Variants in DTNB observed in about 807,000 individuals in gnomAD.
The protein encoded by DTNB is DTN-B.
A neutral mutation model predicts 90.7 loss-of-function variants in DTNB; 63 were observed. That is an observed-to-expected ratio of 0.69 (90% CI 0.57 to 0.86). The LOEUF is 0.86. Among genes scored for constraint, DTNB ranks in the 40% least tolerant of loss-of-function variants. The pLI, the probability that DTNB is intolerant of heterozygous loss-of-function variation, is 0.00. For synonymous variants in DTNB, 277 were observed against 286.7 expected (o/e 0.97, Z 0.34); for missense variants, 744 against 807.1 (o/e 0.92, Z 0.95).
Position 25,605,662 on chromosome 2 carries a change from T to G in DTNB, c.448+1574A>C, listed in dbSNP as rs2066949971. Among the ~76,000 whole-genome samples, 3 of 152,230 alleles carry G rather than the reference T, an allele frequency of 2.0e-5. No individual in the cohort carries two copies. In the South Asian group the frequency reaches 6.2e-4, roughly 32 times the overall value. ...ATCTAGAATACAGTTAATTTTCTGC[T>G]AATGTATTTTTCTACTACTGTATTT... On this transcript the variant is annotated intron_variant, in intron 5 of 20. Coordinates refer to ENST00000406818, the MANE Select transcript of DTNB (RefSeq NM_021907.5).
intron 1 of DTNB, among the ~76,000 whole-genome samples, chr2:25,663,690 C>T (rs2083743277): frequency 6.6e-6 from 1 of 152,148 alleles, no homozygotes; most frequent in Non-Finnish European, 1.5e-5. Context: ...ACCATAAGCT[C>T]TGTACTTTTA....
At chr2:25,553,735 CCTT>C (rs1353077791) in intron 8 of DTNB, among the ~76,000 whole-genome samples, 2 of 142,936 alleles carry the variant, frequency 1.4e-5, no homozygotes, top group African/African-American at 5.3e-5. Flanking sequence ...AGCGAAAACT[CCTT>C]CTCAAAAAAA....
chr2:25,640,528 T>C (rs1178989710), intron 2 of DTNB, among the ~76,000 whole-genome samples: 1 of 152,194 alleles, frequency 6.6e-6, no homozygotes, highest in Non-Finnish European at 1.5e-5. Context: ...CCTCAGGGGA[T>C]ACCTGGTTCT....
Position 25,389,386 on chromosome 2 carries a change from G to A in DTNB, c.1576-1025C>T, listed in dbSNP as rs145251461. On this transcript the variant is annotated intron_variant, in intron 16 of 20. Transcript: ENST00000406818. The stretch of plus-strand genomic sequence containing the variant: ...CAGTCATGCCACATGCACTGCACAT[G>A]TACAGCAAGGCTGTCCGGGGCCACC... Among the ~76,000 whole-genome samples the A allele has an allele frequency of 5.8e-3, 881 of 152,360 alleles. 9 individuals carry two copies. Among genetic ancestry groups the A allele is most frequent in the Middle Eastern group, 0.02 (6 of 294 alleles).
chr2:25,565,610 G>T, intron 8 of DTNB, among the ~76,000 whole-genome samples: 1 of 130,860 alleles, frequency 7.6e-6, no homozygotes, highest in Admixed American at 7.2e-5. Flanking sequence ...CCAGTTTATT[G>T]CATTTTTTTT....
chr2:25,616,573 G>C (rs997571083), intron 4 of DTNB, among the ~76,000 whole-genome samples: 1 of 143,856 alleles, frequency 7.0e-6, no homozygotes. Context: ...TCAATGGCTG[G>C]TCTCCGATGA....
At chr2:25,635,880 T>C (rs2077013722) in intron 3 of DTNB, among the ~76,000 whole-genome samples, 1 of 152,194 alleles carries the variant, frequency 6.6e-6, no homozygotes, top group Non-Finnish European at 1.5e-5. Flanking sequence ...TGGTTACTGC[T>C]ACAAGAAAGT....
At chr2:25,582,103 A>G (rs946391890) in intron 6 of DTNB, among the ~76,000 whole-genome samples, 21 of 151,972 alleles carry the variant, frequency 1.4e-4, no homozygotes, top group Non-Finnish European at 1.5e-4. Flanking sequence ...TCAAGGGGGG[A>G]AAAAAGGTAG....
Position 25,419,638 on chromosome 2 carries a change from A to G in DTNB, c.1555-103T>C. On this transcript the variant is annotated intron_variant, in intron 15 of 20. Transcript: ENST00000406818. ...AACATTGGTCAGAAATGATAGAAAA[A>G]TCAGGCAAACCAGGCCAGGCCCACA... is the stretch of plus-strand genomic sequence containing the variant. The G allele has an allele frequency of 2.0e-6, 3 of 1,465,974 alleles. No homozygotes were observed. The South Asian group carries it at 3.9e-5, about 19-fold the overall frequency. The allele number at this position is 1,465,974 out of a possible 1,614,324, so 90.8% of individuals were successfully genotyped here. A position where few individuals can be genotyped will look rare whatever the true frequency, so the allele number is the denominator to read the frequency against.
intron 1 of DTNB, among the ~76,000 whole-genome samples, chr2:25,669,839 G>A (rs1166218628): frequency 6.6e-6 from 1 of 151,702 alleles, no homozygotes; most frequent in Non-Finnish European, 1.5e-5. Flanking sequence ...AGCTACTTGG[G>A]AGAATCACTT....
chr2:25,479,106 C>T (rs1413811160), intron 10 of DTNB, among the ~76,000 whole-genome samples: 1 of 152,128 alleles, frequency 6.6e-6, no homozygotes, highest in Non-Finnish European at 1.5e-5. Flanking sequence ...TATTAATATA[C>T]CAACTGAACG....
chr2:25,546,214 C>A (rs2082375568), intron 8 of DTNB, among the ~76,000 whole-genome samples: 1 of 152,184 alleles, frequency 6.6e-6, no homozygotes, highest in Non-Finnish European at 1.5e-5. Context: ...ATAAGTGGAC[C>A]AGGGTGGGAA....
intron 16 of DTNB, among the ~76,000 whole-genome samples, chr2:25,391,403 C>T (rs1401162403): frequency 2.6e-5 from 4 of 151,992 alleles, no homozygotes; most frequent in African/African-American, 4.8e-5. Flanking sequence ...TCTTACAACT[C>T]AATAATAAAA....
intron 12 of DTNB, among the ~76,000 whole-genome samples, chr2:25,435,267 C>G (rs1023400870): frequency 4.1e-4 from 62 of 152,190 alleles, no homozygotes; most frequent in African/African-American, 1.5e-3. Flanking sequence ...ATAATCCACC[C>G]ACCTTGGCCT....
intron 8 of DTNB, among the ~76,000 whole-genome samples, chr2:25,531,831 T>C (rs140229309): frequency 4.6e-5 from 7 of 152,212 alleles, no homozygotes; most frequent in African/African-American, 1.7e-4. Flanking sequence ...AGTCACACTA[T>C]CAAGTAATGT....
At chr2:25,461,937 C>T (rs955580960) in intron 10 of DTNB, among the ~76,000 whole-genome samples, 6 of 152,162 alleles carry the variant, frequency 3.9e-5, no homozygotes, top group Admixed American at 6.5e-5. Context: ...ATGAACACTC[C>T]GTGAGGCTCC....
chr2:25,488,799 C>T (rs770967299), intron 9 of DTNB, among the ~76,000 whole-genome samples: 6 of 152,092 alleles, frequency 3.9e-5, no homozygotes, highest in Non-Finnish European at 7.4e-5. Flanking sequence ...TACAGGCATC[C>T]GCCATCATGC....
At chr2:25,604,820 C>T (rs2066731061) in intron 5 of DTNB, among the ~76,000 whole-genome samples, 1 of 152,142 alleles carries the variant, frequency 6.6e-6, no homozygotes, top group Non-Finnish European at 1.5e-5. Flanking sequence ...AAACTCCTGG[C>T]CTCAGGTGAT....
At chr2:25,628,050 T>A in intron 4 of DTNB, 121 bp downstream of exon 4, 1 of 1,089,016 alleles carries the variant, frequency 9.2e-7, no homozygotes, top group South Asian at 1.5e-5. Flanking sequence ...ATTTCCCTTT[T>A]AATCATGATT....
Sources: gnomAD v4.1 joint callset for allele counts (sites outside exome capture counted in the v4.1 genomes callset) on GRCh38, gnomAD v4.1.1 for gene constraint, MANE v1.5 for transcripts, NCBI Gene and HGNC (gene_info 2026-07-23, HGNC 2026-07-21) for gene names.